The following KDM4C variants were observed in gnomAD, a reference collection of about 807,000 sequenced individuals.
The protein encoded by KDM4C is lysine-specific demethylase 4C.
Under a neutral mutation model 129.3 loss-of-function variants are expected in KDM4C, and 81 were observed. The ratio of observed to expected loss-of-function variants is 0.63; its 90% CI spans 0.52 to 0.75. KDM4C has a LOEUF of 0.75. KDM4C is among the 30% of genes least tolerant of loss of function. The pLI is 0.00. For missense variants in KDM4C, 1,457 were observed against 1,304.0 expected (o/e 1.12, Z -1.81); for synonymous variants, 573 against 456.1 (o/e 1.26, Z -3.26).
chr9:6,993,756 T>C (rs956774356), intron 12 of KDM4C, among the ~76,000 whole-genome samples: 1 of 152,130 alleles, frequency 6.6e-6, no homozygotes, highest in Non-Finnish European at 1.5e-5. Context: ...TCTGCGGCAG[T>C]ATTTCTTTCT....
chr9:6,729,204 C>CAAAAAAAAAAAAAAAAAAA (rs1186478804), intron 1 of KDM4C, among the ~76,000 whole-genome samples: 1 of 32,098 alleles, frequency 3.1e-5, no homozygotes, highest in Non-Finnish European at 4.6e-5. Flanking sequence ...GCTCCGTCTC[C>CAAAAAAAAAAAAAAAAAAA]AAAAAAAAAA....
intron 1 of KDM4C, among the ~76,000 whole-genome samples, chr9:6,761,368 C>G (rs1354175157): frequency 1.3e-5 from 2 of 151,742 alleles, no homozygotes. Flanking sequence ...GGGTGTAACT[C>G]TGATGCCCAG....
At chr9:7,165,110 G>A (rs951695425) in intron 19 of KDM4C, 128 bp from the exon 20 acceptor site, 8 of 1,101,266 alleles carry the variant, frequency 7.3e-6, no homozygotes, top group East Asian at 2.5e-5. Context: ...ACACCCATGC[G>A]AGATCATAAT....
chr9:6,810,443 A>G (rs2131092249), intron 3 of KDM4C, among the ~76,000 whole-genome samples: 1 of 152,358 alleles, frequency 6.6e-6, no homozygotes, highest in Non-Finnish European at 1.5e-5. Flanking sequence ...TTACTTATTA[A>G]CAGAATATAC....
chr9:6,765,225 T>TC (rs1820377339), intron 1 of KDM4C, among the ~76,000 whole-genome samples: 1 of 152,236 alleles, frequency 6.6e-6, no homozygotes, highest in African/African-American at 2.4e-5. Context: ...AGATGGTTTT[T>TC]CATGTTCTCT....
intron 8 of KDM4C, among the ~76,000 whole-genome samples, chr9:6,939,388 CG>C (rs1277963772): frequency 2.6e-5 from 4 of 151,974 alleles, no homozygotes; most frequent in African/African-American, 9.7e-5. Flanking sequence ...AGCTCAGGGC[CG>C]CCACTGATTC....
chr9:7,140,847 A>G (rs946535653), intron 19 of KDM4C, among the ~76,000 whole-genome samples: 1 of 152,252 alleles, frequency 6.6e-6, no homozygotes, highest in Non-Finnish European at 1.5e-5. Context: ...AAGTCCTGGG[A>G]TGACAGGAAT....
intron 8 of KDM4C, among the ~76,000 whole-genome samples, chr9:6,913,283 C>T (rs551716141): frequency 2.0e-5 from 3 of 152,024 alleles, no homozygotes; most frequent in East Asian, 1.9e-4. Flanking sequence ...AAAATGTTTC[C>T]TAGTATTAAA....
rs555550182 is a variant in KDM4C at position 6,859,592 on chromosome 9, G to A, written c.629+9892G>A. Among the ~76,000 whole-genome samples the A allele has an allele frequency of 4.4e-4, 66 of 149,612 alleles. 1 individual carries two copies. The Middle Eastern group carries it at 0.014, about 32-fold the overall frequency. ...TTAAAACTGAGGACTGGCTGGGCGC[G>A]GTGGCTCACGCCTGTAATCCAGCAC... On this transcript the variant is annotated intron_variant, in intron 5 of 21. Coordinates refer to ENST00000381309, the MANE Select transcript of KDM4C (RefSeq NM_015061.6).
chr9:6,740,740 A>T (rs1048418772), intron 1 of KDM4C, among the ~76,000 whole-genome samples: 17 of 141,026 alleles, frequency 1.2e-4, no homozygotes, highest in Non-Finnish European at 3.1e-5. Flanking sequence ...GCTGGTCTCG[A>T]ACTCCTGACC....
At chr9:6,731,204 C>G (rs1231528704) in intron 1 of KDM4C, among the ~76,000 whole-genome samples, 1 of 152,030 alleles carries the variant, frequency 6.6e-6, no homozygotes, top group African/African-American at 2.4e-5. Flanking sequence ...CCTTCTTATA[C>G]TGGGAACGTC....
intron 12 of KDM4C, among the ~76,000 whole-genome samples, chr9:7,002,807 G>C (rs1328712992): frequency 6.6e-6 from 1 of 152,244 alleles, no homozygotes; most frequent in African/African-American, 2.4e-5. Flanking sequence ...CACAAAGCTA[G>C]TAAGTGGTAG....
At chr9:6,863,744 G>A (rs932519797) in intron 5 of KDM4C, among the ~76,000 whole-genome samples, 18 of 147,870 alleles carry the variant, frequency 1.2e-4, no homozygotes, top group Non-Finnish European at 5.9e-5. Flanking sequence ...GCAGTGAGCC[G>A]AGATCTTGCC....
intron 13 of KDM4C, 54 bp downstream of exon 13, chr9:7,011,933 A>G (rs1822787834): frequency 7.0e-7 from 1 of 1,426,860 alleles, no homozygotes; most frequent in Non-Finnish European, 9.8e-7. Flanking sequence ...CCATGTGACC[A>G]CATACCACAA....
At chr9:6,954,994 A>T (rs1828816724) in intron 8 of KDM4C, among the ~76,000 whole-genome samples, 1 of 152,202 alleles carries the variant, frequency 6.6e-6, no homozygotes, top group Non-Finnish European at 1.5e-5. Context: ...GAAGAGTGGG[A>T]ACTCTTTATT....
At chr9:6,862,253 C>T (rs1351580420) in intron 5 of KDM4C, among the ~76,000 whole-genome samples, 2 of 152,128 alleles carry the variant, frequency 1.3e-5, no homozygotes, top group Admixed American at 1.3e-4. Flanking sequence ...CCTTTGTTGT[C>T]TTCATGTCTG....
At chr9:7,099,938 T>G (rs1836882677) in intron 17 of KDM4C, among the ~76,000 whole-genome samples, 2 of 152,014 alleles carry the variant, frequency 1.3e-5, no homozygotes, top group African/African-American at 2.4e-5. Context: ...TTTTAATATA[T>G]ATTTTTATAC....
intron 17 of KDM4C, among the ~76,000 whole-genome samples, chr9:7,050,145 C>T (rs1398662040): frequency 1.3e-5 from 2 of 151,940 alleles, no homozygotes; most frequent in African/African-American, 2.4e-5. Context: ...ATTTTGTTTT[C>T]GGAGAAGTGA....
Position 6,736,832 on chromosome 9 carries a change from C to T in KDM4C, c.49+15835C>T, listed in dbSNP as rs59330542. ...TTTGGAGGCCTAGTCTGGGGGATCA[C>T]TTGAGACCAGGAGTTCAAGACCCGC... On this transcript the variant is annotated intron_variant, in intron 1 of 17. Transcript: ENST00000536108. Among the ~76,000 whole-genome samples the T allele has an allele frequency of 9.5e-3, 1,445 of 152,122 alleles. 21 individuals are homozygous for T. The highest frequency in any genetic ancestry group is 0.033 in the African/African-American group (1,375 of 41,486).
Sources: gnomAD v4.1 joint callset for allele counts (sites outside exome capture counted in the v4.1 genomes callset) on GRCh38, gnomAD v4.1.1 for gene constraint, MANE v1.5 for transcripts, NCBI Gene and HGNC (gene_info 2026-07-23, HGNC 2026-07-21) for gene names.